The following KIF21B variants were observed in gnomAD, a reference collection of about 807,000 sequenced individuals.
KIF21B encodes the protein kinesin family member 21B.
A neutral mutation model predicts 192.9 loss-of-function variants in KIF21B; 85 were observed. That is an observed-to-expected ratio of 0.44 (90% CI 0.37 to 0.53). KIF21B has a LOEUF of 0.53. Ranked by LOEUF, KIF21B falls within the 20% of genes least tolerant of loss-of-function variation. The probability of loss-of-function intolerance (pLI) is 0.00; values close to 1 mark genes in which losing one functional copy is unlikely to be tolerated. For synonymous variants in KIF21B, 832 were observed against 884.6 expected (o/e 0.94, Z 1.05); for missense variants, 1,716 against 2,194.8 (o/e 0.78, Z 4.36).
rs148683091 is a variant in KIF21B at position 201,004,398 on chromosome 1, C to T, written c.958G>A (p.Val320Ile). 3.9e-5 allele frequency: 62 copies of T among 1,582,292 alleles called. No individual in the cohort carries two copies. Among genetic ancestry groups the T allele is most frequent in the African/African-American group, 2.3e-4 (17 of 74,596 alleles). The change falls in exon 7 of 35, where the codon GTT (valine) becomes ATT (isoleucine). Residue 320 changes from valine to isoleucine, a missense_variant. Val to Ile is a conservative substitution (Grantham distance 29, BLOSUM62 3). Around this residue, in one of 3 missense-constraint regions of KIF21B, gnomAD observed 1,087 missense variants for 1,316.6 expected, o/e 0.83. Coordinates refer to ENST00000461742, the MANE Select transcript of KIF21B (RefSeq NM_001252102.2). ...GTGAGCTTGGAGTCCCTGTAGGGAA[C>T]GTGCACCACCTTCTTGCTCTGGTCC... ...LGDQSKKVVH[V>I]PYRDSKLTRL... is the part of the protein sequence containing the mutation.
chr1:200,998,358 G>A lies in KIF21B; in HGVS notation c.2077+26C>T, dbSNP rs978764167. Reference sequence around the variant, plus strand: ...AGGGAAAAGGGAGGGTCCGGATGGGGTGGAGGGGCATGGCGGTGGCCTCAC... The same window carrying A: ...AGGGAAAAGGGAGGGTCCGGATGGGATGGAGGGGCATGGCGGTGGCCTCAC... On this transcript the variant is annotated intron_variant, in intron 14 of 34. Transcript: ENST00000461742. The surrounding 1 kb of genome is among the most constrained non-coding windows in gnomAD (Gnocchi z 4.3). 5.6e-6 allele frequency: 9 copies of A among 1,596,018 alleles called. No individual in the cohort carries two copies. The highest frequency in any genetic ancestry group is 6.8e-6 in the Non-Finnish European group (8 of 1,169,196).
chr1:201,020,520 T>G (rs1056946664), intron 1 of KIF21B, among the ~76,000 whole-genome samples: 2 of 152,132 alleles, frequency 1.3e-5, no homozygotes, highest in African/African-American at 4.8e-5. Context: ...AATCCCTTGG[T>G]GCAAAGCCGA....
At chr1:200,981,857 C>T (rs571904744) in intron 28 of KIF21B, among the ~76,000 whole-genome samples, 3 of 152,096 alleles carry the variant, frequency 2.0e-5, no homozygotes, top group Non-Finnish European at 2.9e-5. Context: ...CCCAAGTGAG[C>T]GTGAGGGTTT....
intron 27 of KIF21B, among the ~76,000 whole-genome samples, chr1:200,984,613 T>A (rs190337132): frequency 6.6e-6 from 1 of 152,306 alleles, no homozygotes; most frequent in African/African-American, 2.4e-5. Flanking sequence ...CCGGCCCCAA[T>A]CCCTGTGGCC....
Position 200,999,978 on chromosome 1 carries a change from A to C in KIF21B, c.1686-14T>G, listed in dbSNP as rs1203714486. ...TCCTTCTCGGGGCTGCTCAGGGAGG[A>C]CAGGGAAGCTGGATTAGGAAGGCTG... On this transcript the variant is annotated splice_polypyrimidine_tract_variant and intron_variant, in intron 11 of 34. Coordinates refer to ENST00000461742, the MANE Select transcript of KIF21B (RefSeq NM_001252102.2). This position sits in a 1 kb window ranked among gnomAD's most constrained non-coding sequence, Gnocchi z 4.7. 6.2e-7 allele frequency: 1 copy of C among 1,612,786 alleles called. No homozygotes were observed. Among genetic ancestry groups the C allele is most frequent in the Non-Finnish European group, 8.5e-7 (1 of 1,179,430 alleles).
In KIF21B at chr1:201,017,193, G is replaced by C. The variant is rs73072918; in HGVS notation, c.41+6150C>G. ...CCTCCAGGGCATCAGGATCTCAGCC[G>C]TGCAGAGGAATCGGGCCAGCAAGGA... is the stretch of plus-strand genomic sequence containing the variant. On this transcript the variant is annotated intron_variant, in intron 1 of 34. Transcript: ENST00000461742. This position sits in a 1 kb window ranked among gnomAD's most constrained non-coding sequence, Gnocchi z 4.1. 0.03 allele frequency among the ~76,000 whole-genome samples: 4,509 copies of C among 152,270 alleles called. 236 individuals carry two copies. Among genetic ancestry groups the C allele is most frequent in the African/African-American group, 0.1 (4,230 of 41,518 alleles).
chr1:200,978,376 A>ATT (rs915621952), intron 30 of KIF21B, among the ~76,000 whole-genome samples: 1 of 142,644 alleles, frequency 7.0e-6, no homozygotes, highest in African/African-American at 2.6e-5. Context: ...TTAAGACTTT[A>ATT]TTTTTTTTTT....
chr1:201,003,767 A>G lies in KIF21B; in HGVS notation c.1031T>C (p.Ile344Thr). 1 of 1,614,164 alleles carries G rather than the reference A, an allele frequency of 6.2e-7. No individual in the cohort carries two copies. Among genetic ancestry groups the G allele is most frequent in the Non-Finnish European group, 8.5e-7 (1 of 1,180,036 alleles). The part of the protein sequence containing the change: ...SLGGNSQTIM[I>T]ACVSPSDRDF... ...TCGGTCTGAGGGGCTCACACAGGCG[A>G]TCATGATGGTCTGGCTGGGGGTGCA... Residue 344 changes from isoleucine to threonine, a missense_variant, in exon 8 of 35, where the codon ATC becomes ACC. Transcript: ENST00000461742.
At chr1:200,985,544 G>C (rs1456508746) in intron 26 of KIF21B, among the ~76,000 whole-genome samples, 1 of 152,034 alleles carries the variant, frequency 6.6e-6, no homozygotes, top group Non-Finnish European at 1.5e-5. Flanking sequence ...AGGCCATCTT[G>C]AGCCCCTGCT....
In KIF21B at chr1:200,998,439, C is replaced by A. The variant is rs1210083425; in HGVS notation, c.2022G>T (p.Leu674=). The change falls in exon 14 of 35, where the codon CTG becomes CTT. Residue 674 remains leucine, a synonymous_variant. Coordinates refer to ENST00000461742, the MANE Select transcript of KIF21B (RefSeq NM_001252102.2). The surrounding 1 kb of genome is among the most constrained non-coding windows in gnomAD (Gnocchi z 4.3). ...GCTGTGTGTCTCGGATCTTGTTCTG[C>A]AGCAGAATCAGCTTTTCCTCATACT... The part of the protein sequence containing the change: ...KHQYEEKLIL[L]QNKIRDTQLE... 1 of 1,614,078 alleles carries A rather than the reference C, an allele frequency of 6.2e-7. No individual in the cohort carries two copies. Among genetic ancestry groups the A allele is most frequent in the East Asian group, 2.2e-5 (1 of 44,884 alleles).
chr1:201,007,251 GAC>G (rs1198027984), intron 3 of KIF21B, among the ~76,000 whole-genome samples: 1 of 23,406 alleles, frequency 4.3e-5, no homozygotes. Context: ...CACAGAGACA[GAC>G]ACACACAGAC....
At chr1:200,980,397 G>A (rs1352722462) in intron 29 of KIF21B, among the ~76,000 whole-genome samples, 1 of 152,192 alleles carries the variant, frequency 6.6e-6, no homozygotes, top group Middle Eastern at 3.2e-3. Flanking sequence ...TGGGGCTACA[G>A]GCACATGTCA....
At chr1:200,996,423 T>C (rs1207625262) in intron 14 of KIF21B, 28 bp from the exon 15 acceptor site, 1 of 1,605,134 alleles carries the variant, frequency 6.2e-7, no homozygotes, top group South Asian at 1.1e-5. Flanking sequence ...CAGCTGTCGG[T>C]GCTGGGTCCC....
intron 22 of KIF21B, 90 bp downstream of exon 22, chr1:200,988,676 T>C: frequency 6.6e-7 from 1 of 1,524,626 alleles, no homozygotes; most frequent in East Asian, 2.3e-5. Flanking sequence ...TTAGGGGTGG[T>C]TCTGGGGAAG....
In KIF21B at chr1:200,986,865, T is replaced by C. The variant is rs375526424; in HGVS notation, c.3668A>G (p.Tyr1223Cys). 1.7e-5 allele frequency: 28 copies of C among 1,613,660 alleles called. No individual in the cohort carries two copies. In the Middle Eastern group the frequency reaches 4.9e-4, roughly 28 times the overall value. Residue 1223 changes from tyrosine to cysteine, a missense_variant, in exon 26 of 35, where the codon TAC (tyrosine) becomes TGC (cysteine). Physicochemically the swap from Tyr to Cys is radical, Grantham distance 194. Coordinates refer to ENST00000461742, the MANE Select transcript of KIF21B (RefSeq NM_001252102.2). The stretch of plus-strand genomic sequence containing the variant: ...TCACCTAATGGGCTGCCCTCGGTCG[T>C]AGGACTTCCTTCTCGTCAGCGGGGA... ...ETSPLTRRKS[Y>C]DRGQPIRSTD...
chr1:200,981,196 G>A, intron 28 of KIF21B, 100 bp from the exon 29 acceptor site: 1 of 1,284,052 alleles, frequency 7.8e-7, no homozygotes, highest in Non-Finnish European at 1.0e-6. Context: ...GGCAGGGAGG[G>A]GATGAGGACC....
At position 201,002,059 on chromosome 1, in the gene KIF21B, TTGAC is replaced by T. The variant is rs1657527121; in HGVS notation, c.1402+98_1402+101del. On this transcript the variant is annotated intron_variant, in intron 9 of 34. Transcript: ENST00000461742. Reference sequence around the variant, plus strand: ...ATGCATAAATGAGTTGAACTATGAATTGACTGGCTGGCTTAGTCCACCTGATACT... The same window carrying T: ...ATGCATAAATGAGTTGAACTATGAATTGGCTGGCTTAGTCCACCTGATACT... The T allele has an allele frequency of 4.0e-6, 4 of 1,012,548 alleles. No individual in the cohort carries two copies. In the South Asian group the frequency reaches 5.8e-5, roughly 15 times the overall value. 62.7% of individuals were successfully genotyped at this position (1,012,548 alleles called of 1,614,324 possible). A position where few individuals can be genotyped will look rare whatever the true frequency, so the allele number is the denominator to read the frequency against.
At chr1:200,981,736 G>T (rs746684149) in intron 28 of KIF21B, among the ~76,000 whole-genome samples, 2 of 152,146 alleles carry the variant, frequency 1.3e-5, no homozygotes, top group African/African-American at 2.4e-5. Flanking sequence ...ATCCCTTTGG[G>T]GCTGGCTTGG....
rs762383604 is a variant in KIF21B at position 201,009,390 on chromosome 1, G to A, written c.140C>T (p.Ala47Val). Residue 47 changes from alanine (A) to valine (V), a missense_variant, in exon 2 of 35, where the codon GCC (alanine) becomes GTC (valine). By Grantham distance (64) the Ala-to-Val change is moderately conservative. Around this residue, in one of 3 missense-constraint regions of KIF21B, gnomAD observed 1,087 missense variants for 1,316.6 expected, o/e 0.83. Coordinates refer to ENST00000461742, the MANE Select transcript of KIF21B (RefSeq NM_001252102.2). ...GTCGAAGACAAAGTCATAGGTGAAGGCCTTGTCCTTCCCCAGCAGGACCTG... is the reference window on the plus strand; with the variant it reads ...GTCGAAGACAAAGTCATAGGTGAAGACCTTGTCCTTCCCCAGCAGGACCTG... Reference protein sequence around the residue: ...EPQVLLGKDKAFTYDFVFDLD... With the variant: ...EPQVLLGKDKVFTYDFVFDLD... 3 of 1,614,260 alleles carry A rather than the reference G, an allele frequency of 1.9e-6. No homozygotes were observed. Among genetic ancestry groups the A allele is most frequent in the Non-Finnish European group, 2.5e-6 (3 of 1,180,030 alleles).
Sources: allele counts gnomAD v4.1 joint callset (sites outside exome capture counted in the v4.1 genomes callset), GRCh38; gene constraint gnomAD v4.1.1; regional missense constraint gnomAD v4.1.1; non-coding constraint Gnocchi (gnomAD v3.1); transcripts MANE v1.5; gene names NCBI Gene and HGNC (gene_info 2026-07-23, HGNC 2026-07-21).